Variants in LUC7L3 observed in about 807,000 individuals in gnomAD.
LUC7L3 encodes luc7-like protein 3.
LUC7L3 carries 6 observed loss-of-function variants against 66.8 expected under a neutral mutation model. The ratio of observed to expected loss-of-function variants is 0.09; its 90% CI spans 0.05 to 0.18. The LOEUF is 0.18. LUC7L3 is among the 10% of genes least tolerant of loss of function. The pLI is 1.00. For synonymous variants in LUC7L3, 160 were observed against 174.7 expected (o/e 0.92, Z 0.66); for missense variants, 341 against 531.1 (o/e 0.64, Z 3.52).
intron 1 of LUC7L3, among the ~76,000 whole-genome samples, chr17:50,731,502 C>G (rs1305662076): frequency 6.6e-6 from 1 of 152,158 alleles, no homozygotes; most frequent in Non-Finnish European, 1.5e-5. Flanking sequence ...TTATTGATGA[C>G]TTTATTTGAA....
intron 1 of LUC7L3, chr17:50,724,099 C>A (rs899222585): frequency 6.0e-6 from 2 of 330,686 alleles, no homozygotes; most frequent in African/African-American, 4.5e-5. Context: ...TGTACCCATG[C>A]CCAATTTAGC....
At chr17:50,743,546 A>C in intron 5 of LUC7L3, 160 bp from the exon 6 acceptor site, 1 of 570,478 alleles carries the variant, frequency 1.8e-6, no homozygotes, top group South Asian at 2.1e-5. Context: ...TACTTTATTG[A>C]AGTATAAAAA....
intron 7 of LUC7L3, 82 bp from the exon 8 acceptor site, chr17:50,745,638 C>A: frequency 9.1e-7 from 1 of 1,096,690 alleles, no homozygotes; most frequent in Non-Finnish European, 1.3e-6. Context: ...AGTTGGTCTA[C>A]AGATAACTTC....
rs1189783840 is a variant in LUC7L3, at chr17:50,752,254, C to T, written c.*1593C>T. On this transcript the variant is annotated 3_prime_UTR_variant, in exon 10 of 10. Transcript: ENST00000505658. ...ACTGAGAACGGCATAAAGTGAAGAT[C>T]GACATTTAAAAAATGAGGTGAAAGA... 7.9e-6 allele frequency: 10 copies of T among 1,271,738 alleles called. No homozygotes were observed. Among genetic ancestry groups the T allele is most frequent in the South Asian group, 2.6e-5 (2 of 78,040 alleles). The allele number at this position is 1,271,738 out of a possible 1,614,324, so 78.8% of individuals were successfully genotyped here. A position where few individuals can be genotyped will look rare whatever the true frequency, so the allele number is the denominator to read the frequency against.
Position 50,746,564 on chromosome 17 carries a change from A to G in LUC7L3, c.1000A>G (p.Arg334Gly). 6.2e-7 allele frequency: 1 copy of G among 1,613,354 alleles called. No homozygotes were observed. The highest frequency in any genetic ancestry group is 8.5e-7 in the Non-Finnish European group (1 of 1,179,812). Residue 334 changes from arginine (R) to glycine (G), a missense_variant, in exon 9 of 10, where the codon AGA becomes GGA. Physicochemically the swap from Arg to Gly is moderately radical, Grantham distance 125. This residue lies in a region of LUC7L3 where 210 missense variants were observed against 238.1 expected (regional missense o/e 0.88). Coordinates refer to ENST00000505658, the MANE Select transcript of LUC7L3 (RefSeq NM_016424.5). ...AAGAAGTAGAGATCGACGAAGAAGC[A>G]GAAGCCATGATCGATCAGAAAGAAA... ...RSRSRDRRRS[R>G]SHDRSERKHR...
intron 7 of LUC7L3, among the ~76,000 whole-genome samples, chr17:50,745,059 G>A (rs2146766617): frequency 6.6e-6 from 1 of 151,370 alleles, no homozygotes; most frequent in East Asian, 1.9e-4. Flanking sequence ...GCGTGATCTC[G>A]GCTCACCGCA....
intron 2 of LUC7L3, 21 bp from the exon 3 acceptor site, chr17:50,740,285 C>G: frequency 6.5e-7 from 1 of 1,544,812 alleles, no homozygotes; most frequent in Non-Finnish European, 8.8e-7. Flanking sequence ...ATAATTTATA[C>G]AATTATATTT....
Position 50,751,728 on chromosome 17 carries a change from C to G in LUC7L3, c.*1067C>G. 9.6e-7 allele frequency: 1 copy of G among 1,040,036 alleles called. No individual in the cohort carries two copies. The highest frequency in any genetic ancestry group is 1.2e-6 in the Non-Finnish European group (1 of 861,874). The allele number at this position is 1,040,036 out of a possible 1,614,324, so 64.4% of individuals were successfully genotyped here. ...AGCCATAGGTATGTAGGAATAGTCA[C>G]TCACTGGCTGATACATTTAAAGCAG... On this transcript the variant is annotated 3_prime_UTR_variant, in exon 10 of 10. Coordinates refer to ENST00000505658, the MANE Select transcript of LUC7L3 (RefSeq NM_016424.5).
At chr17:50,734,694 A>G (rs930439947) in intron 1 of LUC7L3, among the ~76,000 whole-genome samples, 4 of 152,232 alleles carry the variant, frequency 2.6e-5, no homozygotes, top group Admixed American at 2.6e-4. Flanking sequence ...ACTTGGAAAG[A>G]AAACAGTAGA....
In LUC7L3 at chr17:50,741,206, A is replaced by G. The variant is rs1597925221; in HGVS notation, c.311A>G (p.His104Arg). 6.2e-7 allele frequency: 1 copy of G among 1,614,166 alleles called. No homozygotes were observed. Among genetic ancestry groups the G allele is most frequent in the Non-Finnish European group, 8.5e-7 (1 of 1,180,006 alleles). ...AEVERRIRRG[H>R]ARLALSQNQQ... ...GTAGAACGTAGGATCAGACGAGGCC[A>G]TGCTCGTTTGGCATTATCTCAAAAC... Residue 104 changes from histidine to arginine, a missense_variant, in exon 4 of 10, where the codon CAT becomes CGT. This residue lies in a region of LUC7L3 where 86 missense variants were observed against 172.0 expected (regional missense o/e 0.50). Coordinates refer to ENST00000505658, the MANE Select transcript of LUC7L3 (RefSeq NM_016424.5).
At chr17:50,739,262 G>A (rs1970191823) in intron 2 of LUC7L3, among the ~76,000 whole-genome samples, 1 of 152,182 alleles carries the variant, frequency 6.6e-6, no homozygotes. Flanking sequence ...AAGGCCCATG[G>A]AAGAAAATGA....
Position 50,745,781 on chromosome 17 carries a change from A to G in LUC7L3, c.755A>G (p.Gln252Arg). Residue 252 changes from glutamine to arginine, a missense_variant, in exon 8 of 10, where the codon CAA (glutamine) becomes CGA (arginine). By Grantham distance (43) the Gln-to-Arg change is conservative (BLOSUM62 1). Coordinates refer to ENST00000505658, the MANE Select transcript of LUC7L3 (RefSeq NM_016424.5). ...DRDERLKKEK[Q>R]EREEREKERE... is the part of the protein sequence containing the mutation. The stretch of plus-strand genomic sequence containing the variant: ...GATGAGCGTCTAAAAAAGGAGAAGC[A>G]AGAAAGAGAAGAAAGAGAAAAAGAA... 1.3e-6 allele frequency: 2 copies of G among 1,594,586 alleles called. No homozygotes were observed. Among genetic ancestry groups the G allele is most frequent in the South Asian group, 2.3e-5 (2 of 87,136 alleles).
At chr17:50,743,925 G>T (rs959446689) in intron 6 of LUC7L3, 115 bp downstream of exon 6, 5 of 749,522 alleles carry the variant, frequency 6.7e-6, no homozygotes, top group Non-Finnish European at 1.1e-5. Context: ...AGCACAATTT[G>T]TAGCCCACAA....
At chr17:50,750,443 T>C in intron 9 of LUC7L3, 58 bp from the exon 10 acceptor site, 2 of 1,501,902 alleles carry the variant, frequency 1.3e-6, no homozygotes, top group South Asian at 2.5e-5. Context: ...TTTTTCAAAA[T>C]CATGTCTTTA....
At chr17:50,730,072 T>C (rs12944555) in intron 1 of LUC7L3, among the ~76,000 whole-genome samples, 150,715 of 151,024 alleles carry the variant, frequency 1, 75,203 homozygotes, top group Middle Eastern at 1. Flanking sequence ...TCCCACTGCT[T>C]GAGCAGGCTC....
chr17:50,746,741 T>A, intron 9 of LUC7L3, 39 bp downstream of exon 9: 1 of 1,579,352 alleles, frequency 6.3e-7, no homozygotes, highest in African/African-American at 1.4e-5. Context: ...AAGAAACTTT[T>A]CACACCCTAA....
In LUC7L3 at chr17:50,752,450, T is replaced by A. The variant is rs1422861362; in HGVS notation, c.*1789T>A. Reference sequence around the variant, plus strand: ...TATCATACTTTTTTCTTTAAGACTTTTTAAGAAATATTACTTAAACATGTG... The same window carrying A: ...TATCATACTTTTTTCTTTAAGACTTATTAAGAAATATTACTTAAACATGTG... On this transcript the variant is annotated 3_prime_UTR_variant, in exon 10 of 10. Coordinates refer to ENST00000505658, the MANE Select transcript of LUC7L3 (RefSeq NM_016424.5). 1 of 190,588 alleles carries A rather than the reference T, an allele frequency of 5.2e-6. No individual in the cohort carries two copies. The highest frequency in any genetic ancestry group is 2.4e-5 in the African/African-American group (1 of 41,786). 11.8% of individuals were successfully genotyped at this position (190,588 alleles called of 1,614,324 possible). A position where few individuals can be genotyped will look rare whatever the true frequency, so the allele number is the denominator to read the frequency against.
intron 1 of LUC7L3, among the ~76,000 whole-genome samples, chr17:50,735,246 G>GAAAA (rs373882860): frequency 1.8e-5 from 1 of 54,194 alleles, no homozygotes; most frequent in African/African-American, 1.6e-4. Context: ...AAAAAAAAAA[G>GAAAA]AAAAAAAAAA....
chr17:50,724,230 A>C (rs1329595573), intron 1 of LUC7L3: 2 of 184,618 alleles, frequency 1.1e-5, no homozygotes, highest in African/African-American at 2.4e-5. Context: ...ACTTTAAAAA[A>C]AAAACATAGC....
Sources: allele counts gnomAD v4.1 joint callset (sites outside exome capture counted in the v4.1 genomes callset), GRCh38; gene constraint gnomAD v4.1.1; regional missense constraint gnomAD v4.1.1; transcripts MANE v1.5; gene names NCBI Gene and HGNC (gene_info 2026-07-23, HGNC 2026-07-21).